The following RNGTT variants were observed in gnomAD, a reference collection of about 807,000 sequenced individuals.
The protein encoded by RNGTT is RNA guanylyltransferase and 5'-phosphatase, also known as mRNA-capping enzyme.
RNGTT carries 33 observed loss-of-function variants against 79.3 expected under a neutral mutation model. That is an observed-to-expected ratio of 0.42 (90% CI 0.32 to 0.56). The LOEUF is 0.56. Ranked by LOEUF, RNGTT falls within the 20% of genes least tolerant of loss-of-function variation. The pLI, the probability that RNGTT is intolerant of heterozygous loss-of-function variation, is 0.17. For synonymous variants in RNGTT, 222 were observed against 235.9 expected (o/e 0.94, Z 0.54); for missense variants, 497 against 739.1 (o/e 0.67, Z 3.80).
At chr6:88,724,266 A>ATTAGGT (rs1393161114) in intron 13 of RNGTT, among the ~76,000 whole-genome samples, 2 of 152,184 alleles carry the variant, frequency 1.3e-5, no homozygotes, top group Non-Finnish European at 2.9e-5. Context: ...AGCAACTTCC[A>ATTAGGT]GTCCTGCAAG....
intron 8 of RNGTT, among the ~76,000 whole-genome samples, chr6:88,887,532 A>AT (rs1477808968): frequency 3.9e-5 from 6 of 152,240 alleles, no homozygotes; most frequent in Admixed American, 2.6e-4. Context: ...TAGGTATTCA[A>AT]TAAATACTCA....
chr6:88,778,739 C>T (rs1278087053), intron 12 of RNGTT, among the ~76,000 whole-genome samples: 1 of 152,126 alleles, frequency 6.6e-6, no homozygotes, highest in African/African-American at 2.4e-5. Flanking sequence ...CATACAATGA[C>T]GATTCAATAT....
At position 88,678,435 on chromosome 6, in the gene RNGTT, A is replaced by G; in HGVS notation, c.1440-16T>C. 7.2e-7 allele frequency: 1 copy of G among 1,387,494 alleles called. No individual in the cohort carries two copies. Among genetic ancestry groups the G allele is most frequent in the Non-Finnish European group, 9.4e-7 (1 of 1,060,456 alleles). The allele number at this position is 1,387,494 out of a possible 1,614,324, so 85.9% of individuals were successfully genotyped here. On this transcript the variant is annotated splice_polypyrimidine_tract_variant and intron_variant, in intron 13 of 15. Transcript: ENST00000369485. ...AGGAAGTAACCTACAAAGAAAAAAA[A>G]GCATTATTTATAAAATACTCCTTCT...
At chr6:88,857,769 G>A (rs1781886868) in intron 8 of RNGTT, among the ~76,000 whole-genome samples, 2 of 152,128 alleles carry the variant, frequency 1.3e-5, no homozygotes, top group Non-Finnish European at 1.5e-5. Flanking sequence ...TAAATATAGA[G>A]TAAAGCCTAT....
chr6:88,835,599 C>T (rs886678026), intron 11 of RNGTT, among the ~76,000 whole-genome samples: 2 of 152,032 alleles, frequency 1.3e-5, no homozygotes, highest in Non-Finnish European at 2.9e-5. Flanking sequence ...AACCTATTCC[C>T]TGAAAATAAG....
chr6:88,647,119 C>T (rs1773595785), intron 14 of RNGTT, among the ~76,000 whole-genome samples: 1 of 151,958 alleles, frequency 6.6e-6, no homozygotes, highest in African/African-American at 2.4e-5. Context: ...ATATATTGAA[C>T]CAGATATATG....
intron 13 of RNGTT, among the ~76,000 whole-genome samples, chr6:88,761,954 G>A (rs1186690965): frequency 6.6e-6 from 1 of 151,876 alleles, no homozygotes; most frequent in Non-Finnish European, 1.5e-5. Flanking sequence ...TAGTGGTACG[G>A]ATGTTCTTTC....
chr6:88,883,733 G>A (rs1782767983), intron 8 of RNGTT, among the ~76,000 whole-genome samples: 1 of 151,988 alleles, frequency 6.6e-6, no homozygotes, highest in Admixed American at 6.5e-5. Flanking sequence ...CTCAGTATAA[G>A]GAAAGGCTTT....
At chr6:88,921,085 A>C (rs763257345) in intron 4 of RNGTT, among the ~76,000 whole-genome samples, 2 of 152,212 alleles carry the variant, frequency 1.3e-5, no homozygotes, top group Non-Finnish European at 2.9e-5. Flanking sequence ...TAAAGAATCA[A>C]GCTTAAGTAG....
intron 13 of RNGTT, among the ~76,000 whole-genome samples, chr6:88,680,615 G>A (rs763749618): frequency 3.0e-4 from 46 of 151,908 alleles, no homozygotes; most frequent in Non-Finnish European, 5.7e-4. Context: ...GGTGGCGCAT[G>A]CTTGTAATCC....
At chr6:88,742,242 G>A (rs1224688913) in intron 13 of RNGTT, among the ~76,000 whole-genome samples, 1 of 152,144 alleles carries the variant, frequency 6.6e-6, no homozygotes, top group East Asian at 1.9e-4. Flanking sequence ...CCAAAAAGGA[G>A]GGAAGGTCAA....
At position 88,746,759 on chromosome 6, in the gene RNGTT, C is replaced by T. The variant is rs1777671550; in HGVS notation, c.1439+23015G>A. On this transcript the variant is annotated intron_variant, in intron 13 of 15. Transcript: ENST00000369485. ...AGGCCACAGACCTATACTGGTCTGG[C>T]CTGGGGGTTGGGCACCCCTGTACTA... Among the ~76,000 whole-genome samples, 4 of 152,224 alleles carry T rather than the reference C, an allele frequency of 2.6e-5. No individual in the cohort carries two copies. In the South Asian group the frequency reaches 8.3e-4, roughly 32 times the overall value.
At chr6:88,645,596 C>T (rs6912777) in intron 14 of RNGTT, among the ~76,000 whole-genome samples, 105,234 of 151,966 alleles carry the variant, frequency 0.69, 37,695 homozygotes, top group African/African-American at 0.86. Context: ...CTACCTGACT[C>T]CAAAGTATAC....
intron 13 of RNGTT, among the ~76,000 whole-genome samples, chr6:88,722,238 T>G (rs188452812): frequency 1.3e-5 from 2 of 152,148 alleles, no homozygotes; most frequent in Admixed American, 1.3e-4. Flanking sequence ...ATTTTTTCAT[T>G]AAGCAATTAA....
At chr6:88,832,832 C>G (rs1780921393) in intron 11 of RNGTT, among the ~76,000 whole-genome samples, 1 of 152,210 alleles carries the variant, frequency 6.6e-6, no homozygotes, top group Non-Finnish European at 1.5e-5. Context: ...AAATGCTCAT[C>G]ATCACTGGTC....
intron 13 of RNGTT, among the ~76,000 whole-genome samples, chr6:88,740,009 C>A (rs143034068): frequency 2.0e-4 from 30 of 151,910 alleles, no homozygotes; most frequent in African/African-American, 7.0e-4. Context: ...ATTCTGCTGA[C>A]ACCAAAGATA....
intron 11 of RNGTT, among the ~76,000 whole-genome samples, chr6:88,816,590 T>C (rs955804082): frequency 6.6e-6 from 1 of 152,196 alleles, no homozygotes; most frequent in Non-Finnish European, 1.5e-5. Flanking sequence ...AAGTATATTT[T>C]AGGTATTGGA....
chr6:88,926,576 A>T lies in RNGTT; in HGVS notation c.367+2409T>A, dbSNP rs1357339819. On this transcript the variant is annotated intron_variant, in intron 4 of 15. Coordinates refer to ENST00000369485, the MANE Select transcript of RNGTT (RefSeq NM_003800.5). Reference sequence around the variant, plus strand: ...ATTTAAATATATTTTCTTCATAAAGACCATCTACATTTATTAGTAAAAATT... The same window carrying T: ...ATTTAAATATATTTTCTTCATAAAGTCCATCTACATTTATTAGTAAAAATT... 3.3e-5 allele frequency among the ~76,000 whole-genome samples: 5 copies of T among 152,166 alleles called. No individual in the cohort carries two copies. The East Asian group carries it at 9.6e-4, about 29-fold the overall frequency.
intron 4 of RNGTT, among the ~76,000 whole-genome samples, chr6:88,919,452 T>C (rs906444135): frequency 1.3e-5 from 2 of 152,086 alleles, no homozygotes; most frequent in African/African-American, 2.4e-5. Flanking sequence ...CTGGTGACAA[T>C]GTATCTTTTT....
Sources: allele counts gnomAD v4.1 joint callset (sites outside exome capture counted in the v4.1 genomes callset), GRCh38; gene constraint gnomAD v4.1.1; transcripts MANE v1.5; gene names NCBI Gene and HGNC (gene_info 2026-07-23, HGNC 2026-07-21).